Variants in DSCAML1 observed in about 807,000 individuals in gnomAD.
DSCAML1 encodes the protein DS cell adhesion molecule like 1, also known as cell adhesion molecule DSCAML1.
In DSCAML1, 38 loss-of-function variants were observed where a neutral mutation model predicts 200.5. The ratio of observed to expected loss-of-function variants is 0.19; its 90% CI spans 0.15 to 0.25. The LOEUF is 0.25. Among genes scored for constraint, DSCAML1 ranks in the 10% least tolerant of loss-of-function variants. The pLI, the probability that DSCAML1 is intolerant of heterozygous loss-of-function variation, is 1.00. For synonymous variants in DSCAML1, 1,215 were observed against 1,165.0 expected (o/e 1.04, Z -0.87); for missense variants, 2,223 against 2,858.8 (o/e 0.78, Z 5.07).
chr11:117,539,606 C>CA (rs35130897), intron 3 of DSCAML1, among the ~76,000 whole-genome samples: 6,415 of 51,974 alleles, frequency 0.12, 410 homozygotes, highest in Non-Finnish European at 0.16. Flanking sequence ...AAAACTCTGT[C>CA]AAAAAAAAAA....
intron 3 of DSCAML1, among the ~76,000 whole-genome samples, chr11:117,766,733 C>A (rs932527783): frequency 2.6e-5 from 4 of 152,192 alleles, no homozygotes; most frequent in Non-Finnish European, 4.4e-5. Context: ...CTGCCATGAA[C>A]TAAATGGAAA....
chr11:117,639,712 G>A (rs1396321194), intron 3 of DSCAML1, among the ~76,000 whole-genome samples: 1 of 152,076 alleles, frequency 6.6e-6, no homozygotes, highest in Non-Finnish European at 1.5e-5. Flanking sequence ...GCTTGTGTGG[G>A]CAGCAGAGTG....
intron 1 of DSCAML1, among the ~76,000 whole-genome samples, chr11:117,815,438 C>A (rs942698144): frequency 7.2e-5 from 11 of 152,198 alleles, no homozygotes; most frequent in African/African-American, 2.7e-4. Flanking sequence ...GAGCTGCAGG[C>A]AGGGCTTCCG....
chr11:117,744,193 A>AT (rs2054474644), intron 3 of DSCAML1, among the ~76,000 whole-genome samples: 1 of 152,216 alleles, frequency 6.6e-6, no homozygotes, highest in Non-Finnish European at 1.5e-5. Context: ...TATTATCCTT[A>AT]TTTTTGAGAT....
rs1307035390 is a variant in DSCAML1 at position 117,431,734 on chromosome 11, C to G, written c.5180-6G>C. ...ATTCTTCCTGGACACTGGATCTGCA[C>G]AGACAGAAGCAAGAAATTGCATCCT... On this transcript the variant is annotated splice_region_variant and splice_polypyrimidine_tract_variant and intron_variant, in intron 30 of 32. Transcript: ENST00000651296. 1 of 1,522,072 alleles carries G rather than the reference C, an allele frequency of 6.6e-7. No homozygotes were observed. The highest frequency in any genetic ancestry group is 8.9e-7 in the Non-Finnish European group (1 of 1,128,338). 94.3% of individuals were successfully genotyped at this position (1,522,072 alleles called of 1,614,324 possible). A position where few individuals can be genotyped will look rare whatever the true frequency, so the allele number is the denominator to read the frequency against.
intron 3 of DSCAML1, among the ~76,000 whole-genome samples, chr11:117,653,626 C>T (rs1451320970): frequency 3.3e-5 from 5 of 152,134 alleles, no homozygotes; most frequent in South Asian, 2.1e-4. Context: ...ACGGTGCAGC[C>T]GCTTTGGAAA....
In DSCAML1 at chr11:117,725,801, C is replaced by CACAAAACAAA. The variant is rs72442656; in HGVS notation, c.511+50980_511+50989dup. ...GAGGAAACAGGCCATGGTTATGCTA[C>CACAAAACAAA]ACAAAACAAAACAAAACAAAACAAA... On this transcript the variant is annotated intron_variant, in intron 3 of 32. Coordinates refer to ENST00000651296, the MANE Select transcript of DSCAML1 (RefSeq NM_020693.4). 1.9e-3 allele frequency among the ~76,000 whole-genome samples: 285 copies of CACAAAACAAA among 147,888 alleles called. 1 individual carries two copies. Among genetic ancestry groups the CACAAAACAAA allele is most frequent in the African/African-American group, 5.3e-3 (210 of 39,986 alleles).
intron 3 of DSCAML1, among the ~76,000 whole-genome samples, chr11:117,582,509 T>C (rs1402807810): frequency 3.3e-5 from 5 of 152,192 alleles, no homozygotes; most frequent in Admixed American, 1.3e-4. Flanking sequence ...ATTGACCTAG[T>C]TGGAGGTTTC....
intron 3 of DSCAML1, among the ~76,000 whole-genome samples, chr11:117,595,770 G>C (rs559116063): frequency 1.3e-5 from 2 of 151,622 alleles, no homozygotes; most frequent in Non-Finnish European, 2.9e-5. Flanking sequence ...TGAGCTCCAT[G>C]TATGGCTAAA....
At chr11:117,585,772 A>C (rs1565807472) in intron 3 of DSCAML1, among the ~76,000 whole-genome samples, 4 of 152,138 alleles carry the variant, frequency 2.6e-5, no homozygotes, top group African/African-American at 4.8e-5. Flanking sequence ...AGAGAGGAGG[A>C]GTCGCCAGGG....
At chr11:117,718,279 G>A (rs2053986635) in intron 3 of DSCAML1, among the ~76,000 whole-genome samples, 1 of 152,138 alleles carries the variant, frequency 6.6e-6, no homozygotes, top group Non-Finnish European at 1.5e-5. Flanking sequence ...AGGGCTGTCT[G>A]CCAAAGTGCT....
chr11:117,556,052 G>C (rs2050553565), intron 3 of DSCAML1, among the ~76,000 whole-genome samples: 1 of 152,190 alleles, frequency 6.6e-6, no homozygotes, highest in East Asian at 1.9e-4. Context: ...GCCACTTATT[G>C]ATGTCAGTTT....
intron 1 of DSCAML1, among the ~76,000 whole-genome samples, chr11:117,783,587 C>T (rs1181901541): frequency 2.0e-5 from 3 of 152,050 alleles, no homozygotes; most frequent in East Asian, 1.9e-4. Flanking sequence ...ATAACTCCCT[C>T]GGGGGTGTTA....
chr11:117,593,915 G>A (rs77230637), intron 3 of DSCAML1, among the ~76,000 whole-genome samples: 11,987 of 151,884 alleles, frequency 0.079, 504 homozygotes, highest in Middle Eastern at 0.15. Context: ...GTGTTTCACC[G>A]TGTTAGCCAG....
chr11:117,458,718 A>G (rs1592608437), intron 19 of DSCAML1, 36 bp downstream of exon 19: 1 of 1,604,958 alleles, frequency 6.2e-7, no homozygotes, highest in South Asian at 1.1e-5. Flanking sequence ...AGTGGGTGGC[A>G]GGGCCAGCCT....
intron 3 of DSCAML1, among the ~76,000 whole-genome samples, chr11:117,534,220 C>T (rs1451773272): frequency 6.6e-6 from 1 of 152,234 alleles, no homozygotes; most frequent in African/African-American, 2.4e-5. Flanking sequence ...CTCCACCATC[C>T]CAAGCACAAG....
At chr11:117,536,277 C>A (rs7103687) in intron 3 of DSCAML1, among the ~76,000 whole-genome samples, 43,246 of 151,950 alleles carry the variant, frequency 0.28, 6,764 homozygotes, top group African/African-American at 0.4. Flanking sequence ...GTGTGGAGAG[C>A]GGAGGGAGGC....
intron 3 of DSCAML1, among the ~76,000 whole-genome samples, chr11:117,729,936 C>T (rs892430390): frequency 6.6e-6 from 1 of 152,258 alleles, no homozygotes; most frequent in Non-Finnish European, 1.5e-5. Flanking sequence ...CGCAGTGGCT[C>T]ACGCCTGTAA....
intron 3 of DSCAML1, among the ~76,000 whole-genome samples, chr11:117,658,649 C>CA (rs2052780342): frequency 6.6e-6 from 1 of 152,160 alleles, no homozygotes. Context: ...CCTGGACCAA[C>CA]AAAAGGTTAA....
Sources: allele counts gnomAD v4.1 joint callset (sites outside exome capture counted in the v4.1 genomes callset), GRCh38; gene constraint gnomAD v4.1.1; transcripts MANE v1.5; gene names NCBI Gene and HGNC (gene_info 2026-07-23, HGNC 2026-07-21).